The following MAML3 variants were observed in gnomAD, a reference collection of about 807,000 sequenced individuals.
The protein encoded by MAML3 is mastermind like transcriptional coactivator 3.
Under a neutral mutation model 101.9 loss-of-function variants are expected in MAML3, and 27 were observed. That is an observed-to-expected ratio of 0.27 (90% CI 0.20 to 0.37). The LOEUF (loss-of-function observed/expected upper bound fraction) is 0.37, where lower values mean the gene tolerates loss of function less well. Ranked by LOEUF, MAML3 falls within the 10% of genes least tolerant of loss-of-function variation. MAML3 has a pLI of 1.00. For missense variants in MAML3, 1,316 were observed against 1,444.9 expected, an observed-to-expected ratio of 0.91 and a Z score of 1.45; for synonymous variants, 501 against 555.9, an observed-to-expected ratio of 0.90 and a Z score of 1.39.
chr4:139,883,252 T>C (rs924732712), intron 2 of MAML3, among the ~76,000 whole-genome samples: 2 of 152,178 alleles, frequency 1.3e-5, no homozygotes, highest in Non-Finnish European at 2.9e-5. Flanking sequence ...TGAGAAAAAC[T>C]ATATTATCTG....
Position 139,785,521 on chromosome 4 carries a change from G to A in MAML3, c.2080-54854C>T, listed in dbSNP as rs1026918180. 1.3e-5 allele frequency among the ~76,000 whole-genome samples: 2 copies of A among 152,202 alleles called. No individual in the cohort carries two copies. The highest frequency in any genetic ancestry group is 4.8e-5 in the African/African-American group (2 of 41,448). ...TGGTGATCCCCACTGGCAGGAACAG[G>A]TTGCATGTGGTTGCTGGGCTGTTGC... On this transcript the variant is annotated intron_variant, in intron 2 of 4. Coordinates refer to ENST00000509479, the MANE Select transcript of MAML3 (RefSeq NM_018717.5). The surrounding 1 kb of genome is among the most constrained non-coding windows in gnomAD (Gnocchi z 4.3).
intron 1 of MAML3, among the ~76,000 whole-genome samples, chr4:139,898,695 T>C (rs1021611142): frequency 1.3e-5 from 2 of 152,220 alleles, no homozygotes; most frequent in African/African-American, 2.4e-5. Context: ...TCTGTTCTGG[T>C]CAAACTAGAA....
At chr4:139,825,651 C>T (rs1441511986) in intron 2 of MAML3, among the ~76,000 whole-genome samples, 2 of 152,170 alleles carry the variant, frequency 1.3e-5, no homozygotes, top group African/African-American at 2.4e-5. Context: ...TTAGAGCCTC[C>T]CCATTCCCCT....
chr4:139,828,397 A>G (rs2111130208), intron 2 of MAML3, among the ~76,000 whole-genome samples: 2 of 152,358 alleles, frequency 1.3e-5, no homozygotes, highest in Admixed American at 1.3e-4. Context: ...GGTGTTCTTG[A>G]GCAAAGCATT....
intron 1 of MAML3, among the ~76,000 whole-genome samples, chr4:140,131,585 T>A (rs1238530270): frequency 1.3e-5 from 2 of 152,166 alleles, no homozygotes; most frequent in Non-Finnish European, 2.9e-5. Context: ...CTCTCACCAT[T>A]TCAAAAACTA....
At chr4:139,870,984 T>C (rs1450164633) in intron 2 of MAML3, among the ~76,000 whole-genome samples, 3 of 152,050 alleles carry the variant, frequency 2.0e-5, no homozygotes, top group South Asian at 2.1e-4. Context: ...TGATGATGAG[T>C]GGGTTTTCAG....
At chr4:139,832,264 C>G (rs1373832774) in intron 2 of MAML3, among the ~76,000 whole-genome samples, 2 of 150,352 alleles carry the variant, frequency 1.3e-5, no homozygotes, top group Non-Finnish European at 2.9e-5. Context: ...GCCACTACGC[C>G]CAGCTATTTT....
At chr4:139,904,949 C>G (rs1376168948) in intron 1 of MAML3, among the ~76,000 whole-genome samples, 1 of 152,220 alleles carries the variant, frequency 6.6e-6, no homozygotes, top group East Asian at 1.9e-4. Flanking sequence ...GCGTTACAAT[C>G]TTGTGGAACC....
intron 2 of MAML3, among the ~76,000 whole-genome samples, chr4:139,792,920 G>T (rs1730443586): frequency 6.6e-6 from 1 of 151,702 alleles, no homozygotes; most frequent in Non-Finnish European, 1.5e-5. Context: ...AATTTTTTTT[G>T]TATTTTTAGT....
intron 1 of MAML3, among the ~76,000 whole-genome samples, chr4:139,945,289 A>C (rs1733702233): frequency 6.6e-6 from 1 of 152,240 alleles, no homozygotes; most frequent in African/African-American, 2.4e-5. Flanking sequence ...AGATTCTTTG[A>C]ATTATCATTT....
intron 1 of MAML3, among the ~76,000 whole-genome samples, chr4:140,018,781 C>T (rs1221610818): frequency 6.6e-6 from 1 of 152,072 alleles, no homozygotes; most frequent in African/African-American, 2.4e-5. Context: ...TGTTTTGGGA[C>T]ATAGTGTTTT....
chr4:139,793,923 G>GA (rs567395449), intron 2 of MAML3, among the ~76,000 whole-genome samples: 1 of 151,660 alleles, frequency 6.6e-6, no homozygotes, highest in Admixed American at 6.6e-5. Context: ...GGAAGGAAAA[G>GA]AAAAAAAACG....
chr4:139,829,615 A>G (rs1229622009), intron 2 of MAML3, among the ~76,000 whole-genome samples: 1 of 152,250 alleles, frequency 6.6e-6, no homozygotes, highest in Non-Finnish European at 1.5e-5. Context: ...AGCAGGAAGA[A>G]TGACAATGAC....
rs79276437 is a variant in MAML3 at position 140,133,426 on chromosome 4, T to C, written c.468+19434A>G. ...ACAGTCCCCAAAAGATACTTATAAT[T>C]GAATCACAGGGCATTTTTTGAATGT... On this transcript the variant is annotated intron_variant, in intron 1 of 4. Transcript: ENST00000509479. Among the ~76,000 whole-genome samples, 888 of 152,274 alleles carry C rather than the reference T, an allele frequency of 5.8e-3. 4 individuals are homozygous for C. The highest frequency in any genetic ancestry group is 0.01 in the Non-Finnish European group (689 of 68,020).
At chr4:140,144,946 T>C (rs1017282225) in intron 1 of MAML3, among the ~76,000 whole-genome samples, 3 of 152,198 alleles carry the variant, frequency 2.0e-5, no homozygotes, top group Admixed American at 1.3e-4. Context: ...ATCGCTGAGC[T>C]ACTTTCAGCA....
intron 1 of MAML3, among the ~76,000 whole-genome samples, chr4:140,121,956 G>A (rs1475019726): frequency 6.6e-6 from 1 of 152,056 alleles, no homozygotes; most frequent in African/African-American, 2.4e-5. Context: ...GGTTTTATAA[G>A]GTGCTTTCCC....
intron 1 of MAML3, among the ~76,000 whole-genome samples, chr4:140,086,533 A>G (rs531709311): frequency 6.4e-4 from 97 of 152,356 alleles, no homozygotes; most frequent in Middle Eastern, 3.4e-3. Flanking sequence ...AAAAAAAGGC[A>G]TTTAAAATAT....
chr4:140,152,820 C>T (rs1729198734), intron 1 of MAML3, 40 bp downstream of exon 1: 1 of 1,585,440 alleles, frequency 6.3e-7, no homozygotes, highest in South Asian at 1.2e-5. Context: ...CACCACCACC[C>T]CCAACGCGCG....
At chr4:139,762,858 T>G (rs1416263547) in intron 2 of MAML3, among the ~76,000 whole-genome samples, 1 of 152,152 alleles carries the variant, frequency 6.6e-6, no homozygotes, top group African/African-American at 2.4e-5. Flanking sequence ...GCACAGCCCA[T>G]GGAGGAAAGA....
Sources: allele counts gnomAD v4.1 joint callset (sites outside exome capture counted in the v4.1 genomes callset), GRCh38; gene constraint gnomAD v4.1.1; non-coding constraint Gnocchi (gnomAD v3.1); transcripts MANE v1.5; gene names NCBI Gene and HGNC (gene_info 2026-07-23, HGNC 2026-07-21).